The following RGS6 variants were observed in gnomAD, a reference collection of about 807,000 sequenced individuals.
RGS6 encodes regulator of G-protein signaling 6.
In RGS6, 30 loss-of-function variants were observed where a neutral mutation model predicts 78.5. The ratio of observed to expected loss-of-function variants is 0.38; its 90% CI spans 0.29 to 0.52. RGS6 has a LOEUF of 0.52. Among genes scored for constraint, RGS6 ranks in the 20% least tolerant of loss-of-function variants. RGS6 has a pLI of 0.85. For missense variants in RGS6, 495 were observed against 609.7 expected, an observed-to-expected ratio of 0.81 and a Z score of 1.98; for synonymous variants, 206 against 206.0, an observed-to-expected ratio of 1.00 and a Z score of 0.00.
chr14:72,046,245 G>A (rs2092827236), intron 2 of RGS6, among the ~76,000 whole-genome samples: 1 of 133,030 alleles, frequency 7.5e-6, no homozygotes, highest in Non-Finnish European at 1.6e-5. Flanking sequence ...TGGCTTTAAT[G>A]TTGAAATTTC....
chr14:72,202,312 T>C (rs978012587), intron 2 of RGS6, among the ~76,000 whole-genome samples: 2 of 152,158 alleles, frequency 1.3e-5, no homozygotes, highest in Non-Finnish European at 2.9e-5. Flanking sequence ...TACCCGAGGA[T>C]ACAGAATCTC....
At chr14:72,455,549 AGTT>A (rs1156877357) in intron 4 of RGS6, among the ~76,000 whole-genome samples, 1 of 152,226 alleles carries the variant, frequency 6.6e-6, no homozygotes, top group African/African-American at 2.4e-5. Flanking sequence ...AATTATATAC[AGTT>A]GTTAGAACTC....
downstream of RGS6, among the ~76,000 whole-genome samples, chr14:72,567,828 C>T (rs886760934): frequency 6.6e-6 from 1 of 152,206 alleles, no homozygotes; most frequent in African/African-American, 2.4e-5. Flanking sequence ...CGCCACCCTT[C>T]CTTCACAGAA....
intron 2 of RGS6, among the ~76,000 whole-genome samples, chr14:72,063,349 T>C (rs913147319): frequency 6.6e-6 from 1 of 152,140 alleles, no homozygotes; most frequent in African/African-American, 2.4e-5. Context: ...ATGAAAATAC[T>C]ACTGAGAGGT....
At chr14:72,382,625 G>A (rs529939028) in intron 3 of RGS6, among the ~76,000 whole-genome samples, 1 of 152,304 alleles carries the variant, frequency 6.6e-6, no homozygotes, top group South Asian at 2.1e-4. Flanking sequence ...AATTGTGCAA[G>A]TGATTGAAGA....
chr14:72,490,718 G>T (rs989208885), intron 12 of RGS6, among the ~76,000 whole-genome samples: 5 of 152,170 alleles, frequency 3.3e-5, no homozygotes, highest in African/African-American at 1.2e-4. Context: ...TACCCCAGGG[G>T]TCATGATAAA....
At chr14:72,091,133 G>A (rs527949413) in intron 2 of RGS6, among the ~76,000 whole-genome samples, 1 of 25,010 alleles carries the variant, frequency 4.0e-5, no homozygotes. Flanking sequence ...CTTCACACTG[G>A]CTGTCTCCAC....
chr14:72,299,251 G>A (rs937880297), intron 2 of RGS6, among the ~76,000 whole-genome samples: 8 of 152,112 alleles, frequency 5.3e-5, no homozygotes, highest in African/African-American at 1.2e-4. Flanking sequence ...ACAAGAAATC[G>A]TGGTGCCATA....
chr14:71,880,527 G>T, the RGS6 span, among the ~76,000 whole-genome samples: 1 of 152,198 alleles, frequency 6.6e-6, no homozygotes, highest in Non-Finnish European at 1.5e-5. Flanking sequence ...GGTGCCCCTT[G>T]CCTCAGCCAC....
intron 2 of RGS6, among the ~76,000 whole-genome samples, chr14:72,027,311 G>C (rs2090067978): frequency 1.3e-5 from 2 of 152,066 alleles, no homozygotes; most frequent in Non-Finnish European, 2.9e-5. Flanking sequence ...GGAGGCTTAG[G>C]GTCAGGAGTG....
chr14:72,417,760 G>A (rs2093927787), intron 3 of RGS6, among the ~76,000 whole-genome samples: 2 of 152,184 alleles, frequency 1.3e-5, no homozygotes, highest in African/African-American at 4.8e-5. Context: ...GTTCATCTGT[G>A]CAAACATTTA....
chr14:72,156,306 C>T (rs954708336), intron 2 of RGS6, among the ~76,000 whole-genome samples: 13 of 151,802 alleles, frequency 8.6e-5, no homozygotes, highest in Non-Finnish European at 1.3e-4. Flanking sequence ...ATTAGCTGGG[C>T]GTGGTGGCAC....
At chr14:72,351,804 C>T (rs2079149757) in intron 2 of RGS6, among the ~76,000 whole-genome samples, 1 of 152,170 alleles carries the variant, frequency 6.6e-6, no homozygotes, top group South Asian at 2.1e-4. Flanking sequence ...TATTAAATTA[C>T]ATGTTGGATC....
intron 3 of RGS6, among the ~76,000 whole-genome samples, chr14:72,381,142 G>A (rs1051877947): frequency 3.9e-5 from 6 of 152,122 alleles, no homozygotes; most frequent in Middle Eastern, 6.8e-3. Context: ...AGAAAGTAGA[G>A]CAGAGGATAC....
chr14:72,160,897 A>T lies in RGS6; in HGVS notation c.85-191198A>T, dbSNP rs1357358151. ...CCCTACCAAACTAATACAACCACCT[A>T]CTTTTTAGAATTTATAGAATCCAAG... On this transcript the variant is annotated intron_variant, in intron 2 of 17. Transcript: ENST00000553525. Among the ~76,000 whole-genome samples the T allele has an allele frequency of 2.6e-5, 4 of 152,336 alleles. No homozygotes were observed. In the East Asian group the frequency reaches 7.7e-4, roughly 29 times the overall value.
At chr14:72,006,760 A>T (rs532008598) in intron 2 of RGS6, among the ~76,000 whole-genome samples, 3 of 152,372 alleles carry the variant, frequency 2.0e-5, no homozygotes, top group South Asian at 2.1e-4. Context: ...ATAGTTTATT[A>T]TGCATCAGTA....
chr14:71,941,830 C>T (rs1235852191), intron 1 of RGS6, among the ~76,000 whole-genome samples: 1 of 152,216 alleles, frequency 6.6e-6, no homozygotes, highest in Non-Finnish European at 1.5e-5. Flanking sequence ...GATCAATACT[C>T]CGTATCCCTC....
chr14:72,261,371 C>T (rs771845592), intron 2 of RGS6, among the ~76,000 whole-genome samples: 3 of 152,090 alleles, frequency 2.0e-5, no homozygotes, highest in Non-Finnish European at 4.4e-5. Flanking sequence ...AGTCCCTTCC[C>T]CACTACAGGT....
chr14:72,510,347 A>C (rs2286071), intron 14 of RGS6, 68 bp downstream of exon 14: 1 of 1,178,930 alleles, frequency 8.5e-7, no homozygotes, highest in Non-Finnish European at 1.1e-6. Flanking sequence ...CGGTCTCTCC[A>C]TCTCTCTCTC....
Sources: gnomAD v4.1 joint callset for allele counts (sites outside exome capture counted in the v4.1 genomes callset) on GRCh38, gnomAD v4.1.1 for gene constraint, MANE v1.5 for transcripts, NCBI Gene and HGNC (gene_info 2026-07-23, HGNC 2026-07-21) for gene names.